UTRN: variants seen among roughly 807,000 people sequenced by gnomAD.
The protein encoded by UTRN is dystrophin-related protein 1.
Under a neutral mutation model 463.9 loss-of-function variants are expected in UTRN, and 283 were observed. The observed-to-expected ratio is 0.61, with a 90% CI of 0.55 to 0.67. The LOEUF is 0.67. Among genes scored for constraint, UTRN ranks in the 30% least tolerant of loss-of-function variants. The pLI, the probability that UTRN is intolerant of heterozygous loss-of-function variation, is 0.00. For synonymous variants in UTRN, 1,442 were observed against 1,431.5 expected (o/e 1.01, Z -0.17); for missense variants, 3,922 against 4,084.3 (o/e 0.96, Z 1.08).
chr6:144,843,611 C>G (rs982707152), intron 73 of UTRN, among the ~76,000 whole-genome samples: 1 of 152,168 alleles, frequency 6.6e-6, no homozygotes, highest in Non-Finnish European at 1.5e-5. Flanking sequence ...GGAGTATACA[C>G]AGTACCTTCA....
At chr6:144,471,857 A>G (rs1454059735) in intron 23 of UTRN, among the ~76,000 whole-genome samples, 1 of 152,240 alleles carries the variant, frequency 6.6e-6, no homozygotes, top group African/African-American at 2.4e-5. Flanking sequence ...TGGAAGACAC[A>G]GAGAAACCTA....
At chr6:144,791,087 CTTTGGAA>C (rs1273634408) in intron 62 of UTRN, among the ~76,000 whole-genome samples, 4 of 152,242 alleles carry the variant, frequency 2.6e-5, no homozygotes, top group Admixed American at 1.3e-4. Flanking sequence ...GATATCTAGA[CTTTGGAA>C]TGTCCTGGGG....
rs371068989 is a variant in UTRN, at chr6:144,852,203, C to T, written c.*1206C>T. On this transcript the variant is annotated 3_prime_UTR_variant, in exon 75 of 75. Coordinates refer to ENST00000367545, the MANE Select transcript of UTRN (RefSeq NM_007124.3). ...GAATGTTTATCAAAAGTCTATGTCA[C>T]TGCTTCTACAGAAGAATGAAATTAA... 4 of 152,252 alleles carry T rather than the reference C, an allele frequency of 2.6e-5. No individual in the cohort carries two copies. The East Asian group carries it at 7.7e-4, about 29-fold the overall frequency. 9.4% of individuals were successfully genotyped at this position (152,252 alleles called of 1,614,324 possible).
intron 2 of UTRN, among the ~76,000 whole-genome samples, chr6:144,328,996 C>T (rs889477141): frequency 5.3e-5 from 8 of 151,362 alleles, no homozygotes; most frequent in Non-Finnish European, 1.0e-4. Context: ...TGTTGGCCAG[C>T]CTGATCTTGA....
chr6:144,774,541 T>A (rs181777630), intron 60 of UTRN, among the ~76,000 whole-genome samples, 177 bp downstream of exon 60: 1 of 152,324 alleles, frequency 6.6e-6, no homozygotes, highest in Non-Finnish European at 1.5e-5. Context: ...CCCATCAGTG[T>A]GCAGTACTGA....
chr6:144,340,781 C>T (rs1348066392), intron 2 of UTRN, among the ~76,000 whole-genome samples: 2 of 152,220 alleles, frequency 1.3e-5, no homozygotes, highest in African/African-American at 4.8e-5. Context: ...TGTAATCTAG[C>T]AGAAGAATGG....
intron 51 of UTRN, among the ~76,000 whole-genome samples, chr6:144,667,687 A>G (rs1263162809): frequency 6.6e-6 from 1 of 152,212 alleles, no homozygotes; most frequent in Non-Finnish European, 1.5e-5. Flanking sequence ...AAAATAGAAC[A>G]GTTGTATCAG....
At chr6:144,307,091 A>G (rs1239961279) in intron 2 of UTRN, among the ~76,000 whole-genome samples, 1 of 151,952 alleles carries the variant, frequency 6.6e-6, no homozygotes, top group South Asian at 2.1e-4. Context: ...GAACTGTTGC[A>G]TATTTTATTT....
chr6:144,796,626 T>G (rs746925491), intron 63 of UTRN, among the ~76,000 whole-genome samples: 1 of 152,240 alleles, frequency 6.6e-6, no homozygotes, highest in Non-Finnish European at 1.5e-5. Context: ...GAAAGCACTT[T>G]CATTTCTTTT....
chr6:144,578,726 G>A lies in UTRN; in HGVS notation c.7479+1438G>A, dbSNP rs143575071. ...TTATATTATCTGTATTGTTGCCTAC[G>A]CAGTGCCCTGTGTGCAAATCCTAAG... On this transcript the variant is annotated intron_variant, in intron 51 of 74. Coordinates refer to ENST00000367545, the MANE Select transcript of UTRN (RefSeq NM_007124.3). Among the ~76,000 whole-genome samples, 1,160 of 152,302 alleles carry A rather than the reference G, an allele frequency of 7.6e-3. 40 individuals are homozygous for A. Among genetic ancestry groups the A allele is most frequent in the Admixed American group, 0.057 (873 of 15,290 alleles).
chr6:144,684,782 T>C (rs964792298), intron 52 of UTRN, among the ~76,000 whole-genome samples: 1 of 152,192 alleles, frequency 6.6e-6, no homozygotes, highest in Non-Finnish European at 1.5e-5. Context: ...TTCATTAGCT[T>C]ATTATATACT....
chr6:144,429,733 A>C lies in UTRN; in HGVS notation c.847A>C (p.Asn283His), dbSNP rs532155417. 7.5e-5 allele frequency: 121 copies of C among 1,611,382 alleles called. No homozygotes were observed. In the South Asian group the frequency reaches 1.3e-3, roughly 17 times the overall value. Residue 283 changes from asparagine to histidine, a missense_variant, in exon 9 of 75, where the codon AAT becomes CAT. Asn to His is a moderately conservative substitution (Grantham distance 68). This residue lies in a region of UTRN where 2,349 missense variants were observed against 2,303.8 expected (regional missense o/e 1.02). Coordinates refer to ENST00000367545, the MANE Select transcript of UTRN (RefSeq NM_007124.3). ...YKKECEEEAI[N>H]IQSTAPEEEH... ...AAAAGAATGTGAAGAAGAGGCAATTAATATACAGGTACAGGTAACATTTTA... is the reference window on the plus strand; with the variant it reads ...AAAAGAATGTGAAGAAGAGGCAATTCATATACAGGTACAGGTAACATTTTA...
intron 2 of UTRN, among the ~76,000 whole-genome samples, chr6:144,309,926 T>A (rs1431355280): frequency 6.6e-6 from 1 of 152,220 alleles, no homozygotes; most frequent in Non-Finnish European, 1.5e-5. Flanking sequence ...TTCTAGCAGA[T>A]AACCTTGTGG....
In UTRN at chr6:144,612,317, A is replaced by G. The variant is rs896527500; in HGVS notation, c.7479+35029A>G. On this transcript the variant is annotated intron_variant, in intron 51 of 74. Transcript: ENST00000367545. ...AAGTTTCCTGACATTGGTTAAGGCA[A>G]TGATTTTTTTAATATGGCCGTTCAC... is the stretch of plus-strand genomic sequence containing the variant. 5.3e-5 allele frequency among the ~76,000 whole-genome samples: 8 copies of G among 152,132 alleles called. No homozygotes were observed. In the East Asian group the frequency reaches 1.3e-3, roughly 26 times the overall value.
At position 144,488,632 on chromosome 6, in the gene UTRN, T is replaced by C. The variant is rs1792720185; in HGVS notation, c.3973-41T>C. On this transcript the variant is annotated intron_variant, in intron 29 of 74. Transcript: ENST00000367545. ...AATATATATATTCTGCTATTTATAT[T>C]TGTGTTGGGCAACTAATGATTCAAT... 7 of 1,594,908 alleles carry C rather than the reference T, an allele frequency of 4.4e-6. No homozygotes were observed. The African/African-American group carries it at 9.4e-5, about 21-fold the overall frequency.
intron 53 of UTRN, among the ~76,000 whole-genome samples, chr6:144,714,159 G>A (rs1013975678): frequency 1.3e-5 from 2 of 151,938 alleles, no homozygotes; most frequent in African/African-American, 2.4e-5. Flanking sequence ...GCATACCAAC[G>A]GAAAGTAAGC....
intron 2 of UTRN, among the ~76,000 whole-genome samples, chr6:144,341,893 C>A (rs1777164511): frequency 6.6e-6 from 1 of 152,158 alleles, no homozygotes; most frequent in Non-Finnish European, 1.5e-5. Context: ...TACAGCTGTA[C>A]CAGGAACAAT....
At position 144,346,593 on chromosome 6, in the gene UTRN, G is replaced by A. The variant is rs143417618; in HGVS notation, c.79+54686G>A. ...CCCAGCACTTTGGGAGCCCGAGGCG[G>A]GCAGATCACCTGAGGTCAGGAGTTC... On this transcript the variant is annotated intron_variant, in intron 2 of 74. Transcript: ENST00000367545. 8.3e-3 allele frequency among the ~76,000 whole-genome samples: 1,270 copies of A among 152,308 alleles called. 73 individuals are homozygous for A. In the East Asian group the frequency reaches 0.16, roughly 19 times the overall value.
At chr6:144,671,507 A>T (rs572481087) in intron 51 of UTRN, among the ~76,000 whole-genome samples, 1 of 151,910 alleles carries the variant, frequency 6.6e-6, no homozygotes, top group Non-Finnish European at 1.5e-5. Context: ...AACTTTACTG[A>T]ATTTATTTAT....
Sources: allele counts gnomAD v4.1 joint callset (sites outside exome capture counted in the v4.1 genomes callset), GRCh38; gene constraint gnomAD v4.1.1; regional missense constraint gnomAD v4.1.1; transcripts MANE v1.5; gene names NCBI Gene and HGNC (gene_info 2026-07-23, HGNC 2026-07-21).